PRKAG2: variants seen among roughly 807,000 people sequenced by gnomAD.
PRKAG2 encodes the protein 5'-AMP-activated protein kinase subunit gamma-2.
In PRKAG2, 26 loss-of-function variants were observed where a neutral mutation model predicts 69.6. That is an observed-to-expected ratio of 0.37 (90% CI 0.27 to 0.52). The LOEUF is 0.52. PRKAG2 is among the 20% of genes least tolerant of loss of function. PRKAG2 has a pLI of 0.90. For synonymous variants in PRKAG2, 293 were observed against 285.0 expected (o/e 1.03, Z -0.28); for missense variants, 557 against 740.0 (o/e 0.75, Z 2.87).
At chr7:151,642,353 ACAAC>A (rs1585440436) in intron 4 of PRKAG2, among the ~76,000 whole-genome samples, 1 of 151,938 alleles carries the variant, frequency 6.6e-6, no homozygotes. Context: ...AAACAAACAA[ACAAC>A]AAACAAACAA....
intron 1 of PRKAG2, chr7:151,810,812 A>C (rs926130150): frequency 2.0e-5 from 3 of 153,592 alleles, no homozygotes; most frequent in African/African-American, 7.2e-5. Flanking sequence ...AATCAAAACA[A>C]ACACCTAAGT....
intron 3 of PRKAG2, among the ~76,000 whole-genome samples, chr7:151,709,243 C>T (rs369429326): frequency 1.8e-4 from 27 of 151,716 alleles, no homozygotes; most frequent in African/African-American, 4.6e-4. Context: ...TGTGTGAAAT[C>T]GATTTGTGAC....
At chr7:151,768,836 G>A (rs148976667) in intron 3 of PRKAG2, among the ~76,000 whole-genome samples, 20 of 152,216 alleles carry the variant, frequency 1.3e-4, no homozygotes, top group African/African-American at 4.6e-4. Flanking sequence ...AATGGACAAG[G>A]ACAGCCCGTG....
chr7:151,784,851 G>A (rs2076920443), intron 2 of PRKAG2, among the ~76,000 whole-genome samples: 1 of 152,196 alleles, frequency 6.6e-6, no homozygotes, highest in Non-Finnish European at 1.5e-5. Flanking sequence ...CTGGAAAATG[G>A]CCGAAGCATG....
rs2079546818 is a variant in PRKAG2 at position 151,850,644 on chromosome 7, C to T, written c.114+25863G>A. On this transcript the variant is annotated intron_variant, in intron 1 of 15. Coordinates refer to ENST00000287878, the MANE Select transcript of PRKAG2 (RefSeq NM_016203.4). This position sits in a 1 kb window ranked among gnomAD's most constrained non-coding sequence, Gnocchi z 4.1. Reference sequence around the variant, plus strand: ...TCTACACTCCTTCCCGCCTGCCCCACCTCCATCGTCCTGTGTCCAGGAACA... The same window carrying T: ...TCTACACTCCTTCCCGCCTGCCCCATCTCCATCGTCCTGTGTCCAGGAACA... Among the ~76,000 whole-genome samples the T allele has an allele frequency of 6.6e-6, 1 of 152,246 alleles. No individual in the cohort carries two copies. Among genetic ancestry groups the T allele is most frequent in the Non-Finnish European group, 1.5e-5 (1 of 68,042 alleles).
At chr7:151,579,843 A>C (rs868453296) in intron 6 of PRKAG2, among the ~76,000 whole-genome samples, 7 of 152,332 alleles carry the variant, frequency 4.6e-5, no homozygotes, top group Non-Finnish European at 7.3e-5. Flanking sequence ...AAAGGGTAAC[A>C]AGCAGGCTGA....
intron 1 of PRKAG2, among the ~76,000 whole-genome samples, chr7:151,855,237 G>GCCCTCCACACACACCA (rs1563757071): frequency 5.9e-5 from 1 of 16,886 alleles, no homozygotes; most frequent in Admixed American, 8.1e-4. Flanking sequence ...CACACACACC[G>GCCCTCCACACACACCA]CCCTCCACAC....
At chr7:151,630,254 T>C (rs1206223903) in intron 5 of PRKAG2, among the ~76,000 whole-genome samples, 1 of 152,156 alleles carries the variant, frequency 6.6e-6, no homozygotes. Flanking sequence ...GTATATCTGC[T>C]TAGAGAAATG....
At chr7:151,831,723 G>T (rs1192120232) in intron 1 of PRKAG2, among the ~76,000 whole-genome samples, 1 of 152,130 alleles carries the variant, frequency 6.6e-6, no homozygotes, top group Admixed American at 6.5e-5. Flanking sequence ...GCTGGTCTCG[G>T]GTCCTGGCCT....
chr7:151,672,259 G>A (rs1204934402), intron 4 of PRKAG2, among the ~76,000 whole-genome samples: 1 of 151,886 alleles, frequency 6.6e-6, no homozygotes, highest in Admixed American at 6.6e-5. Flanking sequence ...CTGCCATCAC[G>A]CCCGGGTAAT....
intron 3 of PRKAG2, among the ~76,000 whole-genome samples, chr7:151,743,777 T>C (rs1586225230): frequency 6.6e-6 from 1 of 152,176 alleles, no homozygotes; most frequent in Non-Finnish European, 1.5e-5. Context: ...GCATGTCCTG[T>C]TCCTGGAGGA....
At chr7:151,660,466 A>G (rs937434969) in intron 4 of PRKAG2, among the ~76,000 whole-genome samples, 5 of 152,184 alleles carry the variant, frequency 3.3e-5, no homozygotes, top group African/African-American at 1.2e-4. Flanking sequence ...CCTCTATCCA[A>G]TGGCTTTTGG....
rs997164246 is a variant in PRKAG2 at position 151,632,632 on chromosome 7, G to T, written c.685-494C>A. 1.0e-6 allele frequency: 1 copy of T among 984,346 alleles called. No individual in the cohort carries two copies. The highest frequency in any genetic ancestry group is 1.2e-6 in the Non-Finnish European group (1 of 829,178). 61.0% of individuals were successfully genotyped at this position (984,346 alleles called of 1,614,324 possible). On this transcript the variant is annotated intron_variant, in intron 4 of 15. Transcript: ENST00000287878. This position sits in a 1 kb window ranked among gnomAD's most constrained non-coding sequence, Gnocchi z 4.2. ...CCTGCGCAGGTGTGGGCTCCGCGGCGCGGGGAGGGGGAGAGGGGCTGGAGG... is the reference window on the plus strand; with the variant it reads ...CCTGCGCAGGTGTGGGCTCCGCGGCTCGGGGAGGGGGAGAGGGGCTGGAGG...
At chr7:151,786,342 G>T in intron 2 of PRKAG2, 128 bp downstream of exon 2, 1 of 918,424 alleles carries the variant, frequency 1.1e-6, no homozygotes, top group Non-Finnish European at 1.7e-6. Flanking sequence ...CTCGGTTACG[G>T]CCAGGTGTGC....
chr7:151,827,766 A>AAAAAC (rs2078940090), intron 1 of PRKAG2, among the ~76,000 whole-genome samples: 2 of 150,254 alleles, frequency 1.3e-5, no homozygotes, highest in South Asian at 4.2e-4. Context: ...AAAAAAAAAA[A>AAAAAC]AAAAAAAACT....
Position 151,713,586 on chromosome 7 carries a change from A to ATTT in PRKAG2, c.467-37952_467-37950dup, listed in dbSNP as rs200647217. Among the ~76,000 whole-genome samples, 554 of 142,106 alleles carry ATTT rather than the reference A, an allele frequency of 3.9e-3. 4 individuals are homozygous for ATTT. Among genetic ancestry groups the ATTT allele is most frequent in the African/African-American group, 0.013 (481 of 38,308 alleles). The allele number at this position is 142,106 out of a possible 152,430, so 93.2% of individuals were successfully genotyped here. ...TGAGGATGGTGTTTTTGCTTTTTTA[A>ATTT]TTTTTTTTTTTTTTTTGAGACAAAG... On this transcript the variant is annotated intron_variant, in intron 3 of 15. Transcript: ENST00000287878.
intron 5 of PRKAG2, 143 bp downstream of exon 5, chr7:151,631,925 TC>T: frequency 1.2e-6 from 1 of 868,028 alleles, no homozygotes. Flanking sequence ...CCGCCCCGGT[TC>T]CCGCCCCGGC....
rs578161145 is a variant in PRKAG2 at position 151,814,418 on chromosome 7, A to C, written c.115-27877T>G. 2 of 1,227,586 alleles carry C rather than the reference A, an allele frequency of 1.6e-6. No homozygotes were observed. The highest frequency in any genetic ancestry group is 6.4e-5 in the East Asian group (2 of 31,486). The allele number at this position is 1,227,586 out of a possible 1,614,324, so 76.0% of individuals were successfully genotyped here. ...CCAGCTCCCGCAGGTCTGCTTACTCAGCCCCAAGGGGTCCTGGAGGTCTTC... is the reference window on the plus strand; with the variant it reads ...CCAGCTCCCGCAGGTCTGCTTACTCCGCCCCAAGGGGTCCTGGAGGTCTTC... On this transcript the variant is annotated intron_variant, in intron 1 of 15. Transcript: ENST00000287878. The surrounding 1 kb of genome is among the most constrained non-coding windows in gnomAD (Gnocchi z 4.8).
chr7:151,718,333 G>A (rs1652776876), intron 3 of PRKAG2, among the ~76,000 whole-genome samples: 1 of 152,018 alleles, frequency 6.6e-6, no homozygotes, highest in Non-Finnish European at 1.5e-5. Flanking sequence ...TCAGCTTACA[G>A]CCCCACCCTT....
Sources: gnomAD v4.1 joint callset for allele counts (sites outside exome capture counted in the v4.1 genomes callset) on GRCh38, gnomAD v4.1.1 for gene constraint, Gnocchi (gnomAD v3.1) non-coding constraint, MANE v1.5 for transcripts, NCBI Gene and HGNC (gene_info 2026-07-23, HGNC 2026-07-21) for gene names.